The following DLG2 variants were observed in gnomAD, a reference collection of about 807,000 sequenced individuals.
DLG2 encodes discs large MAGUK scaffold protein 2.
In DLG2, 45 loss-of-function variants were observed where a neutral mutation model predicts 132.5. The ratio of observed to expected loss-of-function variants is 0.34; its 90% CI spans 0.27 to 0.44. The LOEUF is 0.44. DLG2 is among the 20% of genes least tolerant of loss of function. DLG2 has a pLI of 1.00. For missense variants in DLG2, 1,045 were observed against 1,196.9 expected, an observed-to-expected ratio of 0.87 and a Z score of 1.87; for synonymous variants, 424 against 419.6, an observed-to-expected ratio of 1.01 and a Z score of -0.13.
intron 6 of DLG2, among the ~76,000 whole-genome samples, chr11:84,594,317 C>T (rs1303736636): frequency 2.6e-5 from 4 of 152,188 alleles, no homozygotes; most frequent in Admixed American, 2.6e-4. Context: ...GACAAGGGAA[C>T]ATGGACTGGC....
intron 16 of DLG2, among the ~76,000 whole-genome samples, chr11:83,841,087 C>G (rs888670041): frequency 1.3e-5 from 2 of 152,120 alleles, no homozygotes; most frequent in African/African-American, 4.8e-5. Flanking sequence ...ATATAATAGC[C>G]CACATTTCTA....
chr11:85,055,074 T>C (rs1457391680), intron 6 of DLG2, among the ~76,000 whole-genome samples: 1 of 152,172 alleles, frequency 6.6e-6, no homozygotes, highest in Non-Finnish European at 1.5e-5. Context: ...TAAAGAACAA[T>C]GGACTGGATT....
At chr11:83,949,584 T>C (rs959802042) in intron 14 of DLG2, among the ~76,000 whole-genome samples, 1 of 152,172 alleles carries the variant, frequency 6.6e-6, no homozygotes, top group African/African-American at 2.4e-5. Flanking sequence ...TGCAAGGTCA[T>C]AGAACTATTT....
At chr11:83,844,060 G>A (rs1158450301) in intron 16 of DLG2, among the ~76,000 whole-genome samples, 1 of 152,178 alleles carries the variant, frequency 6.6e-6, no homozygotes, top group Non-Finnish European at 1.5e-5. Flanking sequence ...GTGTGTTAGT[G>A]TCTAGATTTG....
intron 6 of DLG2, among the ~76,000 whole-genome samples, chr11:84,865,478 ACT>A (rs1264460138): frequency 6.6e-6 from 1 of 152,182 alleles, no homozygotes; most frequent in Admixed American, 6.5e-5. Context: ...TCCATCAGTG[ACT>A]CAGAATGGCC....
chr11:84,970,565 T>G (rs1048761650), intron 6 of DLG2, among the ~76,000 whole-genome samples: 1 of 152,198 alleles, frequency 6.6e-6, no homozygotes, highest in Non-Finnish European at 1.5e-5. Flanking sequence ...TATAAATGGC[T>G]GTCTTCCCAC....
chr11:83,563,255 G>T (rs1198122908), intron 19 of DLG2, among the ~76,000 whole-genome samples: 1 of 152,114 alleles, frequency 6.6e-6, no homozygotes, highest in Non-Finnish European at 1.5e-5. Flanking sequence ...GGGATTACAG[G>T]CATGAGCCAC....
chr11:84,662,653 G>A (rs2099695688), intron 6 of DLG2, among the ~76,000 whole-genome samples: 1 of 151,842 alleles, frequency 6.6e-6, no homozygotes, highest in South Asian at 2.1e-4. Context: ...CAGGCATGGT[G>A]GCATGCACCT....
chr11:83,605,206 T>C (rs941888813), intron 19 of DLG2, among the ~76,000 whole-genome samples: 2 of 152,124 alleles, frequency 1.3e-5, no homozygotes, highest in African/African-American at 4.8e-5. Context: ...ATAAAGCCAA[T>C]CTCCTCTCCT....
intron 11 of DLG2, among the ~76,000 whole-genome samples, chr11:84,014,097 GT>G (rs919246991): frequency 2.6e-5 from 4 of 152,004 alleles, no homozygotes; most frequent in African/African-American, 9.7e-5. Flanking sequence ...ATTCATCTGA[GT>G]TTTTTACCTA....
chr11:85,133,145 A>G (rs1594709107), intron 5 of DLG2: 2 of 187,798 alleles, frequency 1.1e-5, no homozygotes, highest in Non-Finnish European at 2.3e-5. Context: ...TGTAACACCA[A>G]GCACCAGGGA....
At chr11:84,211,893 C>T (rs2096760380) in intron 8 of DLG2, among the ~76,000 whole-genome samples, 1 of 152,074 alleles carries the variant, frequency 6.6e-6, no homozygotes. Context: ...TCCAACATTT[C>T]CAAACTTAGA....
chr11:84,799,536 G>C (rs2075110462), intron 6 of DLG2, among the ~76,000 whole-genome samples: 1 of 152,228 alleles, frequency 6.6e-6, no homozygotes, highest in South Asian at 2.1e-4. Context: ...TATGTAGACA[G>C]CTGTTAAAAT....
chr11:83,651,016 T>C (rs1409307732), intron 18 of DLG2, among the ~76,000 whole-genome samples: 1 of 152,216 alleles, frequency 6.6e-6, no homozygotes, highest in Non-Finnish European at 1.5e-5. Context: ...TCTTACTTAC[T>C]CTATACCTCA....
chr11:85,033,727 G>C (rs368230886), intron 6 of DLG2, among the ~76,000 whole-genome samples: 2 of 152,284 alleles, frequency 1.3e-5, no homozygotes, highest in East Asian at 3.9e-4. Context: ...TACACAAATA[G>C]AGGGGAAAAC....
chr11:83,755,615 G>A (rs982960265), intron 18 of DLG2, among the ~76,000 whole-genome samples: 1 of 151,226 alleles, frequency 6.6e-6, no homozygotes, highest in African/African-American at 2.5e-5. Flanking sequence ...CACACATTAT[G>A]ATCTATAGTG....
At chr11:84,435,550 A>G (rs529933105) in intron 7 of DLG2, among the ~76,000 whole-genome samples, 1 of 152,286 alleles carries the variant, frequency 6.6e-6, no homozygotes, top group East Asian at 1.9e-4. Flanking sequence ...GGTCTTTGTC[A>G]CTCAGAGAGC....
intron 14 of DLG2, among the ~76,000 whole-genome samples, chr11:83,945,227 G>C (rs2083543866): frequency 6.6e-6 from 1 of 152,170 alleles, no homozygotes; most frequent in Non-Finnish European, 1.5e-5. Flanking sequence ...AGTGACCCAA[G>C]ACTTCATCAT....
intron 6 of DLG2, among the ~76,000 whole-genome samples, chr11:84,807,399 T>C (rs767390503): frequency 2.0e-5 from 3 of 152,150 alleles, no homozygotes; most frequent in Non-Finnish European, 2.9e-5. Context: ...TGAGCCGAGA[T>C]TGTGCCATTG....
Sources: gnomAD v4.1 joint callset for allele counts (sites outside exome capture counted in the v4.1 genomes callset) on GRCh38, gnomAD v4.1.1 for gene constraint, MANE v1.5 for transcripts, NCBI Gene and HGNC (gene_info 2026-07-23, HGNC 2026-07-21) for gene names.